Variants in ESCO1 observed in about 807,000 individuals in gnomAD.
ESCO1 encodes establishment of sister chromatid cohesion N-acetyltransferase 1, also known as N-acetyltransferase ESCO1.
Under a neutral mutation model 83.5 loss-of-function variants are expected in ESCO1, and 33 were observed. That is an observed-to-expected ratio of 0.40 (90% CI 0.30 to 0.53). The LOEUF (loss-of-function observed/expected upper bound fraction) is 0.53. Among genes scored for constraint, ESCO1 ranks in the 20% least tolerant of loss-of-function variants. ESCO1 has a pLI of 0.63. For synonymous variants in ESCO1, 332 were observed against 324.3 expected (o/e 1.02, Z -0.25); for missense variants, 855 against 968.0 (o/e 0.88, Z 1.55).
At chr18:21,572,870 T>G (rs1003007772) in intron 4 of ESCO1, among the ~76,000 whole-genome samples, 4 of 151,520 alleles carry the variant, frequency 2.6e-5, no homozygotes, top group African/African-American at 9.7e-5. Flanking sequence ...AGGCTGAGGC[T>G]AGAGAATGGC....
intron 1 of ESCO1, among the ~76,000 whole-genome samples, chr18:21,595,245 C>T (rs181891156): frequency 6.6e-6 from 1 of 150,904 alleles, no homozygotes; most frequent in Admixed American, 6.6e-5. Flanking sequence ...ATCTAAGTGG[C>T]GTATATCTTC....
Position 21,575,050 on chromosome 18 carries a change from G to T in ESCO1, c.-207C>A. The T allele has an allele frequency of 7.0e-6, 3 of 428,042 alleles. No individual in the cohort carries two copies. 26.5% of individuals were successfully genotyped at this position (428,042 alleles called of 1,614,324 possible). On this transcript the variant is annotated 5_prime_UTR_variant, in exon 4 of 12. Transcript: ENST00000269214. ...CCTAGAACATGAGAAAAGCTGGCAT[G>T]AATGCTAAAAGACACTTGCTTTACT...
chr18:21,534,655 G>T (rs575904119), intron 10 of ESCO1, among the ~76,000 whole-genome samples: 2 of 146,396 alleles, frequency 1.4e-5, no homozygotes, highest in African/African-American at 2.5e-5. Context: ...TTGAGATGGA[G>T]TCTTGCTCTG....
intron 1 of ESCO1, among the ~76,000 whole-genome samples, chr18:21,597,234 T>A (rs1443931167): frequency 6.6e-6 from 1 of 152,162 alleles, no homozygotes; most frequent in East Asian, 1.9e-4. Context: ...CAGAAACATA[T>A]ATAGCAACAG....
chr18:21,597,495 A>T (rs1460829149), intron 1 of ESCO1, among the ~76,000 whole-genome samples: 2 of 142,796 alleles, frequency 1.4e-5, no homozygotes, highest in African/African-American at 5.1e-5. Context: ...CACTGTTACT[A>T]AAAAAAAAAA....
chr18:21,594,781 C>A (rs2038736442), intron 1 of ESCO1, among the ~76,000 whole-genome samples: 2 of 151,882 alleles, frequency 1.3e-5, no homozygotes, highest in Non-Finnish European at 2.9e-5. Context: ...CTTGTGATAA[C>A]AACAAACTTT....
intron 2 of ESCO1, among the ~76,000 whole-genome samples, chr18:21,582,984 G>C (rs998943572): frequency 1.3e-5 from 2 of 152,160 alleles, no homozygotes; most frequent in African/African-American, 2.4e-5. Flanking sequence ...CTGAGGTCAG[G>C]AGTTCGAGAC....
intron 8 of ESCO1, among the ~76,000 whole-genome samples, chr18:21,549,282 T>C (rs2038014235): frequency 6.6e-6 from 1 of 152,188 alleles, no homozygotes; most frequent in Non-Finnish European, 1.5e-5. Flanking sequence ...TTTAGGACCA[T>C]GATGTTACAA....
chr18:21,562,872 T>C (rs1364497901), intron 7 of ESCO1, among the ~76,000 whole-genome samples: 1 of 151,588 alleles, frequency 6.6e-6, no homozygotes, highest in Non-Finnish European at 1.5e-5. Context: ...TTCCATGTTA[T>C]TATTTTTTTT....
At chr18:21,548,873 A>C (rs1327715923) in intron 8 of ESCO1, among the ~76,000 whole-genome samples, 1 of 151,802 alleles carries the variant, frequency 6.6e-6, no homozygotes, top group Non-Finnish European at 1.5e-5. Context: ...CCAGGAGTTC[A>C]AGGCAACAGT....
rs562233907 is a variant in ESCO1, at chr18:21,548,085, G to A, written c.1954-8076C>T. Among the ~76,000 whole-genome samples the A allele has an allele frequency of 2.0e-5, 3 of 151,184 alleles. No individual in the cohort carries two copies. The East Asian group carries it at 5.9e-4, about 30-fold the overall frequency. ...CCACTGCACTCCAGCCAGGCCAACA[G>A]AGCAAGACTCCGTCTCAAAAAGAAA... is the stretch of plus-strand genomic sequence containing the variant. On this transcript the variant is annotated intron_variant, in intron 8 of 11. Transcript: ENST00000269214.
intron 10 of ESCO1, among the ~76,000 whole-genome samples, chr18:21,534,295 G>A (rs2037804183): frequency 6.6e-6 from 1 of 152,086 alleles, no homozygotes; most frequent in Admixed American, 6.5e-5. Flanking sequence ...TTTCACTCAT[G>A]CAAAAAAATC....
At position 21,539,563 on chromosome 18, in the gene ESCO1, C is replaced by T. The variant is rs141235575; in HGVS notation, c.2043+357G>A. Among the ~76,000 whole-genome samples the T allele has an allele frequency of 5.3e-5, 8 of 152,164 alleles. No individual in the cohort carries two copies. In the East Asian group the frequency reaches 9.7e-4, roughly 18 times the overall value. ...TCTGTTATCCTCTTAAAATTAACTG[C>T]GAAATGGGCCAGGCGCAGTGGTTCA... On this transcript the variant is annotated intron_variant, in intron 9 of 11. Coordinates refer to ENST00000269214, the MANE Select transcript of ESCO1 (RefSeq NM_052911.3).
chr18:21,566,393 G>T (rs952202078), intron 5 of ESCO1, among the ~76,000 whole-genome samples, 187 bp from the exon 6 acceptor site: 12 of 152,076 alleles, frequency 7.9e-5, no homozygotes, highest in Admixed American at 7.9e-4. Context: ...AGGCAGAAAG[G>T]CTGTCTCATA....
At chr18:21,543,117 C>A (rs983143767) in intron 8 of ESCO1, among the ~76,000 whole-genome samples, 4 of 152,118 alleles carry the variant, frequency 2.6e-5, no homozygotes, top group African/African-American at 9.7e-5. Context: ...ACTTTATATT[C>A]CTAATTTGTA....
chr18:21,590,428 G>A (rs2038648705), intron 1 of ESCO1, among the ~76,000 whole-genome samples: 1 of 149,676 alleles, frequency 6.7e-6, no homozygotes, highest in African/African-American at 2.5e-5. Flanking sequence ...CACCATATTG[G>A]CCAGGCTGAT....
At chr18:21,570,626 TCCACATC>T (rs1355580625) in intron 4 of ESCO1, among the ~76,000 whole-genome samples, 2 of 152,150 alleles carry the variant, frequency 1.3e-5, no homozygotes, top group African/African-American at 2.4e-5. Flanking sequence ...ACTGAAAAGA[TCCACATC>T]CACTTTAGGA....
intron 8 of ESCO1, among the ~76,000 whole-genome samples, chr18:21,554,015 T>A (rs571697464): frequency 2.8e-4 from 43 of 151,828 alleles, no homozygotes; most frequent in African/African-American, 9.9e-4. Flanking sequence ...TAAGAAGATA[T>A]ACAAATGGAA....
intron 2 of ESCO1, among the ~76,000 whole-genome samples, chr18:21,583,131 G>A (rs967633117): frequency 2.0e-5 from 3 of 152,068 alleles, no homozygotes; most frequent in South Asian, 2.1e-4. Flanking sequence ...GCAGTGAGCC[G>A]AAATCGTGCC....
Sources: gnomAD v4.1 joint callset for allele counts (sites outside exome capture counted in the v4.1 genomes callset) on GRCh38, gnomAD v4.1.1 for gene constraint, MANE v1.5 for transcripts, NCBI Gene and HGNC (gene_info 2026-07-23, HGNC 2026-07-21) for gene names.